The following NBPF12 variants were observed in gnomAD, a reference collection of about 807,000 sequenced individuals.
NBPF12 encodes NBPF family member NBPF12.
NBPF12 carries 115 observed loss-of-function variants against 146.4 expected under a neutral mutation model. The ratio of observed to expected loss-of-function variants is 0.79; its 90% CI spans 0.68 to 0.92. The LOEUF is 0.92. Among genes scored for constraint, NBPF12 ranks in the 40% least tolerant of loss-of-function variants. The pLI is 0.00. For missense variants in NBPF12, 1,205 were observed against 1,326.8 expected, an observed-to-expected ratio of 0.91 and a Z score of 1.43; for synonymous variants, 385 against 508.9, an observed-to-expected ratio of 0.76 and a Z score of 3.28.
At chr1:146,950,337 G>C (rs1439862532) in intron 1 of NBPF12, among the ~76,000 whole-genome samples, 1 of 151,938 alleles carries the variant, frequency 6.6e-6, no homozygotes, top group East Asian at 1.9e-4. Flanking sequence ...TACCTCTGTC[G>C]ACCTGTGAAA....
chr1:146,963,615 A>C (rs1656004921), intron 6 of NBPF12, among the ~76,000 whole-genome samples: 1 of 151,872 alleles, frequency 6.6e-6, no homozygotes, highest in Admixed American at 6.6e-5. Context: ...GAGTGAAAAG[A>C]GCTCTGGGCT....
At chr1:146,964,993 C>A in exon 8 of NBPF12, 1 of 1,607,288 alleles carries the variant, frequency 6.2e-7, no homozygotes, top group South Asian at 1.1e-5. Flanking sequence ...CTCCATCCAG[C>A]CTCACAAGAA....
chr1:146,960,827 T>C (rs1478670096), intron 4 of NBPF12, among the ~76,000 whole-genome samples: 1 of 151,960 alleles, frequency 6.6e-6, no homozygotes, highest in Non-Finnish European at 1.5e-5. Context: ...ATAGAACCTG[T>C]GCTATCTATA....
exon 34 of NBPF12, chr1:146,994,776 G>A (rs1284539): frequency 0.19 from 173,118 of 892,946 alleles, 17,367 homozygotes; most frequent in South Asian, 0.22. Flanking sequence ...GGTGTGACAC[G>A]TTCACATAAC....
chr1:146,964,970 A>G lies in NBPF12; in HGVS notation c.644A>G (p.His215Arg), dbSNP rs1553885402. 205 of 1,606,726 alleles carry G rather than the reference A, an allele frequency of 1.3e-4. 1 individual carries two copies. Among genetic ancestry groups the G allele is most frequent in the Middle Eastern group, 7.6e-4 (4 of 5,242 alleles). ...TGTGCCATCACTTGTTCAAATAGCC[A>G]CGGCCCTTGTGACTCCATCCAGCCT... The change falls in exon 8 of 34, where the codon CAC becomes CGC. Residue 215 changes from histidine (H) to arginine (R), a missense_variant. Around this residue, in one of 16 missense-constraint regions of NBPF12, gnomAD observed 325 missense variants for 236.6 expected, o/e 1.37. Transcript: ENST00000617844.
intron 5 of NBPF12, 28 bp downstream of exon 8, chr1:146,962,291 G>T (rs1171705395): frequency 0.16 from 244,367 of 1,573,448 alleles, 21,068 homozygotes; most frequent in Admixed American, 0.34. Context: ...GGGGAGGCAG[G>T]CGGGTAGGTG....
chr1:146,957,838 TATA>T lies in NBPF12; in HGVS notation c.-183-2017_-183-2015del, dbSNP rs1188821056. ...CGCCACTTAAAAAAGAAAAAAAAAATATAATATATATATATATACACGTGTTAT... is the reference window on the plus strand; with the variant it reads ...CGCCACTTAAAAAAGAAAAAAAAAATATATATATATATATACACGTGTTAT... On this transcript the variant is annotated intron_variant, in intron 2 of 33. Transcript: ENST00000617844. Among the ~76,000 whole-genome samples the T allele has an allele frequency of 1.3e-4, 10 of 76,974 alleles. 2 individuals are homozygous for T. The Admixed American group carries it at 1.5e-3, about 12-fold the overall frequency. The allele number at this position is 76,974 out of a possible 152,430, so 50.5% of individuals were successfully genotyped here. A position where few individuals can be genotyped will look rare whatever the true frequency, so the allele number is the denominator to read the frequency against.
At chr1:146,960,482 A>G (rs1419978598) in intron 4 of NBPF12, among the ~76,000 whole-genome samples, 164 bp downstream of exon 7, 2 of 151,948 alleles carry the variant, frequency 1.3e-5, no homozygotes, top group Non-Finnish European at 2.9e-5. Context: ...AGACAGAGGT[A>G]CCAAAGTATT....
chr1:146,962,169 G>C lies in NBPF12; in HGVS notation c.184G>C (p.Glu62Gln), dbSNP rs1312269685. ...GTCTGTCTTTTTCTCAGAGTATGAA[G>C]AGTGTAAAGACCTCATAAAATTTAT... The change falls in exon 5 of 34, where the codon GAG becomes CAG. Residue 62 changes from glutamate to glutamine, a missense_variant. By Grantham distance (29) the Glu-to-Gln change is conservative. Around this residue, in one of 16 missense-constraint regions of NBPF12, gnomAD observed 138 missense variants for 101.7 expected, o/e 1.36. Coordinates refer to ENST00000617844, the Ensembl canonical transcript of NBPF12. 5 of 1,608,662 alleles carry C rather than the reference G, an allele frequency of 3.1e-6. No homozygotes were observed. In the African/African-American group the frequency reaches 4.0e-5, roughly 13 times the overall value.
At chr1:146,955,750 C>T (rs2101833713) in intron 2 of NBPF12, among the ~76,000 whole-genome samples, 1 of 151,362 alleles carries the variant, frequency 6.6e-6, no homozygotes, top group East Asian at 1.9e-4. Flanking sequence ...GGGCCCTTAT[C>T]TTGTCTCCTG....
intron 1 of NBPF12, among the ~76,000 whole-genome samples, chr1:146,941,579 C>A (rs1363657582): frequency 7.0e-6 from 1 of 141,972 alleles, no homozygotes; most frequent in Non-Finnish European, 1.5e-5. Flanking sequence ...CATGGTGAAA[C>A]CCCGTCTCTA....
At position 146,970,158 on chromosome 1, in the gene NBPF12, C is replaced by T. The variant is rs1403713655; in HGVS notation, c.1307-489C>T. Among the ~76,000 whole-genome samples the T allele has an allele frequency of 1.1e-4, 16 of 150,754 alleles. No homozygotes were observed. In the East Asian group the frequency reaches 3.1e-3, roughly 29 times the overall value. ...GGGCATTTGGTGGTAGGAAGTGCTT[C>T]AGACTGGAGCACTCCCCATGGATAG... On this transcript the variant is annotated intron_variant, in intron 11 of 33. Transcript: ENST00000617844.
chr1:146,938,751 G>C (rs1360713467), exon 1 of NBPF12: 4 of 152,364 alleles, frequency 2.6e-5, no homozygotes, highest in Admixed American at 2.0e-4. Flanking sequence ...TCCGGACCCT[G>C]AGGAGCCAGC....
intron 25 of NBPF12, among the ~76,000 whole-genome samples, 197 bp from the exon 29 acceptor site, chr1:146,987,757 G>GTC (rs1455425988): frequency 2.6e-3 from 391 of 148,752 alleles, no homozygotes; most frequent in South Asian, 0.011. Context: ...GTGTGTGTGT[G>GTC]TGTCTGTCTT....
chr1:146,939,271 G>A (rs1654684448), intron 1 of NBPF12, among the ~76,000 whole-genome samples: 1 of 152,068 alleles, frequency 6.6e-6, no homozygotes, highest in Admixed American at 6.5e-5. Flanking sequence ...CAGCTTCGGG[G>A]GCACGTCTTC....
At chr1:146,995,182 A>T (rs3930301) in exon 34 of NBPF12, 3 of 128,924 alleles carry the variant, frequency 2.3e-5, no homozygotes, top group Non-Finnish European at 4.7e-5. Context: ...ATGGACAAAC[A>T]GCATTGGGAG....
intron 31 of NBPF12, among the ~76,000 whole-genome samples, chr1:146,992,484 G>T (rs1183035472): frequency 2.3e-4 from 31 of 132,070 alleles, no homozygotes; most frequent in African/African-American, 8.6e-4. Flanking sequence ...GTGTGTGTGT[G>T]TGTGTGTGTG....
At chr1:146,995,688 G>T (rs1203225769) in exon 34 of NBPF12, 1 of 149,808 alleles carries the variant, frequency 6.7e-6, no homozygotes, top group Non-Finnish European at 1.5e-5. Context: ...AGACAATGCT[G>T]TGAGTTTCCA....
chr1:146,977,278 T>C (rs1657105714), intron 17 of NBPF12, among the ~76,000 whole-genome samples, 188 bp from the exon 21 acceptor site: 1 of 147,872 alleles, frequency 6.8e-6, no homozygotes, highest in African/African-American at 2.6e-5. Flanking sequence ...TCTTCCTCTC[T>C]GGTTCCCATG....
Sources: allele counts gnomAD v4.1 joint callset (sites outside exome capture counted in the v4.1 genomes callset), GRCh38; gene constraint gnomAD v4.1.1; regional missense constraint gnomAD v4.1.1; transcripts MANE v1.5; gene names NCBI Gene and HGNC (gene_info 2026-07-23, HGNC 2026-07-21).